The following IL1RAP variants were observed in gnomAD, a reference collection of about 807,000 sequenced individuals.
IL1RAP encodes the protein interleukin 1 receptor accessory protein.
IL1RAP carries 35 observed loss-of-function variants against 60.7 expected under a neutral mutation model. The ratio of observed to expected loss-of-function variants is 0.58; its 90% CI spans 0.44 to 0.76. IL1RAP has a LOEUF of 0.76. Among genes scored for constraint, IL1RAP ranks in the 30% least tolerant of loss-of-function variants. The pLI, the probability that IL1RAP is intolerant of heterozygous loss-of-function variation, is 0.00. For missense variants in IL1RAP, 572 were observed against 693.9 expected (o/e 0.82, Z 1.97); for synonymous variants, 268 against 250.9 (o/e 1.07, Z -0.64).
intron 8 of IL1RAP, 74 bp downstream of exon 8, chr3:190,627,523 C>A: frequency 1.4e-6 from 2 of 1,456,102 alleles, no homozygotes; most frequent in South Asian, 1.5e-5. Flanking sequence ...GTGTTCTAGT[C>A]AATGAAAATA....
chr3:190,572,008 A>G (rs1441896350), intron 3 of IL1RAP, among the ~76,000 whole-genome samples: 1 of 152,306 alleles, frequency 6.6e-6, no homozygotes, highest in South Asian at 2.1e-4. Flanking sequence ...GATACCAACC[A>G]TTATTAATTA....
At chr3:190,598,966 T>A (rs979205593) in intron 3 of IL1RAP, among the ~76,000 whole-genome samples, 2 of 152,226 alleles carry the variant, frequency 1.3e-5, no homozygotes, top group African/African-American at 4.8e-5. Flanking sequence ...ATATGCTTAT[T>A]TTAATTTGTA....
chr3:190,628,413 A>G (rs1732497682), intron 8 of IL1RAP, among the ~76,000 whole-genome samples: 1 of 152,226 alleles, frequency 6.6e-6, no homozygotes, highest in Admixed American at 6.5e-5. Flanking sequence ...CTCAGTGTTC[A>G]TAGGATAGCA....
chr3:190,644,402 G>A lies in IL1RAP; in HGVS notation c.1201+5G>A. ...GAACAGATGAAACCATTTTAGGTAA[G>A]TAACAGAAATTTGACATAAACCTCT... On this transcript the variant is annotated splice_donor_5th_base_variant and intron_variant, in intron 10 of 11. Coordinates refer to ENST00000447382, the MANE Select transcript of IL1RAP (RefSeq NM_002182.4). The A allele has an allele frequency of 6.2e-7, 1 of 1,610,266 alleles. No individual in the cohort carries two copies. The highest frequency in any genetic ancestry group is 8.5e-7 in the Non-Finnish European group (1 of 1,176,782).
intron 3 of IL1RAP, among the ~76,000 whole-genome samples, chr3:190,591,868 A>T (rs1376643815): frequency 6.6e-6 from 1 of 152,174 alleles, no homozygotes; most frequent in Non-Finnish European, 1.5e-5. Flanking sequence ...GTACTGTGTC[A>T]CACTTGACAC....
chr3:190,577,579 G>A lies in IL1RAP; in HGVS notation c.64+13226G>A, dbSNP rs528347123. The stretch of plus-strand genomic sequence containing the variant: ...TTTTCTTTCCCCCCTGCAGGATCTT[G>A]CTCTGTTACCTAGGCTAGAGTGCTC... On this transcript the variant is annotated intron_variant, in intron 3 of 11. Coordinates refer to ENST00000447382, the MANE Select transcript of IL1RAP (RefSeq NM_002182.4). Among the ~76,000 whole-genome samples, 9 of 152,284 alleles carry A rather than the reference G, an allele frequency of 5.9e-5. No individual in the cohort carries two copies. The South Asian group carries it at 1.9e-3, about 32-fold the overall frequency.
intron 8 of IL1RAP, among the ~76,000 whole-genome samples, chr3:190,628,734 T>G (rs1732523636): frequency 6.6e-6 from 1 of 152,218 alleles, no homozygotes. Context: ...CTAGCTGTGT[T>G]CAGAATCCAT....
In IL1RAP at chr3:190,600,216, T is replaced by C. The variant is rs139009823; in HGVS notation, c.65-3912T>C. ...GCACAATTTTCTAAAGAGCTTCTGA[T>C]AGTAAGATTGTCATATATTTCTTCT... is the stretch of plus-strand genomic sequence containing the variant. On this transcript the variant is annotated intron_variant, in intron 3 of 11. Coordinates refer to ENST00000447382, the MANE Select transcript of IL1RAP (RefSeq NM_002182.4). Among the ~76,000 whole-genome samples the C allele has an allele frequency of 1.2e-3, 181 of 152,320 alleles. 1 individual carries two copies. The highest frequency in any genetic ancestry group is 4.3e-3 in the African/African-American group (178 of 41,580).
At chr3:190,594,447 A>G (rs916079784) in intron 3 of IL1RAP, among the ~76,000 whole-genome samples, 1 of 152,170 alleles carries the variant, frequency 6.6e-6, no homozygotes, top group Non-Finnish European at 1.5e-5. Context: ...TATCATATCT[A>G]TCTATGTCCC....
chr3:190,542,065 A>G (rs1723982775), intron 1 of IL1RAP, among the ~76,000 whole-genome samples: 1 of 152,126 alleles, frequency 6.6e-6, no homozygotes, highest in Non-Finnish European at 1.5e-5. Context: ...ATTACTTTCA[A>G]ACTGATAATA....
At position 190,633,640 on chromosome 3, in the gene IL1RAP, C is replaced by T. The variant is rs181608482; in HGVS notation, c.1051+4142C>T. Among the ~76,000 whole-genome samples, 91 of 152,262 alleles carry T rather than the reference C, an allele frequency of 6.0e-4. 1 individual carries two copies. The highest frequency in any genetic ancestry group is 2.1e-3 in the Admixed American group (32 of 15,294). On this transcript the variant is annotated intron_variant, in intron 9 of 11. Coordinates refer to ENST00000447382, the MANE Select transcript of IL1RAP (RefSeq NM_002182.4). Reference sequence around the variant, plus strand: ...CCTCCCAAAGTGCTGGGATTATAGTCGTGAGCCACCATGCCCGGCCTGTAA... The same window carrying T: ...CCTCCCAAAGTGCTGGGATTATAGTTGTGAGCCACCATGCCCGGCCTGTAA...
chr3:190,604,484 T>G (rs1730126968), intron 4 of IL1RAP, 71 bp downstream of exon 4: 1 of 1,475,678 alleles, frequency 6.8e-7, no homozygotes, highest in Non-Finnish European at 9.2e-7. Flanking sequence ...ATGATCCGTG[T>G]GCTAGGAAGC....
At chr3:190,533,132 A>G (rs1405542265) in intron 1 of IL1RAP, among the ~76,000 whole-genome samples, 1 of 152,182 alleles carries the variant, frequency 6.6e-6, no homozygotes, top group Non-Finnish European at 1.5e-5. Context: ...GTGTCTGTGA[A>G]AGAGGGAACC....
At chr3:190,561,611 A>T (rs760649337) in intron 2 of IL1RAP, among the ~76,000 whole-genome samples, 1 of 152,162 alleles carries the variant, frequency 6.6e-6, no homozygotes, top group Non-Finnish European at 1.5e-5. Flanking sequence ...ATCTAGAGGT[A>T]TGTGGGGGTT....
At chr3:190,657,478 C>T (rs905702057) in exon 12 of IL1RAP, 16 of 152,084 alleles carry the variant, frequency 1.1e-4, no homozygotes, top group African/African-American at 3.1e-4. Context: ...AGTGATGTAG[C>T]GTAGAAATAG....
chr3:190,648,387 G>C lies in IL1RAP; in HGVS notation c.1395G>C (p.Leu465=). The change falls in exon 12 of 12, where the codon CTG becomes CTC. Residue 465 remains leucine (L), a synonymous_variant. Transcript: ENST00000447382. ...LSFIQKSRRL[L]VVLSPNYVLQ... Reference sequence around the variant, plus strand: ...TCATTCAGAAAAGCAGACGCCTCCTGGTTGTTCTAAGCCCCAACTACGTGC... The same window carrying C: ...TCATTCAGAAAAGCAGACGCCTCCTCGTTGTTCTAAGCCCCAACTACGTGC... 1 of 1,609,744 alleles carries C rather than the reference G, an allele frequency of 6.2e-7. No individual in the cohort carries two copies. The highest frequency in any genetic ancestry group is 1.7e-5 in the Admixed American group (1 of 58,756).
At chr3:190,629,705 C>T (rs916276711) in intron 9 of IL1RAP, 48 of 1,266,800 alleles carry the variant, frequency 3.8e-5, no homozygotes, top group South Asian at 3.5e-4. Flanking sequence ...TTGTTAGTAC[C>T]GTAATGCCCA....
At position 190,649,695 on chromosome 3, in the gene IL1RAP, G is replaced by C; in HGVS notation, c.*990G>C. On this transcript the variant is annotated 3_prime_UTR_variant, in exon 12 of 12. Coordinates refer to ENST00000447382, the MANE Select transcript of IL1RAP (RefSeq NM_002182.4). ...TGTTGCTCCATTGTAAAGGGCGGAG[G>C]TCAGTCTTAGTGGCCTTGAGAGTTG... The C allele has an allele frequency of 1.0e-6, 1 of 985,774 alleles. No individual in the cohort carries two copies. The highest frequency in any genetic ancestry group is 1.2e-6 in the Non-Finnish European group (1 of 829,900). The allele number at this position is 985,774 out of a possible 1,614,324, so 61.1% of individuals were successfully genotyped here. A position where few individuals can be genotyped will look rare whatever the true frequency, so the allele number is the denominator to read the frequency against.
At chr3:190,643,183 A>T (rs1733779348) in intron 9 of IL1RAP, among the ~76,000 whole-genome samples, 1 of 152,184 alleles carries the variant, frequency 6.6e-6, no homozygotes, top group Non-Finnish European at 1.5e-5. Context: ...TCAAATGATA[A>T]ACAAAGGGAA....
Sources: allele counts gnomAD v4.1 joint callset (sites outside exome capture counted in the v4.1 genomes callset), GRCh38; gene constraint gnomAD v4.1.1; transcripts MANE v1.5; gene names NCBI Gene and HGNC (gene_info 2026-07-23, HGNC 2026-07-21).